The following GABRG3 variants were observed in gnomAD, a reference collection of about 807,000 sequenced individuals.
GABRG3 encodes the protein gamma-aminobutyric acid type A receptor subunit gamma3, also known as gamma-aminobutyric acid receptor subunit gamma-3.
In GABRG3, 25 loss-of-function variants were observed where a neutral mutation model predicts 48.8. The ratio of observed to expected loss-of-function variants is 0.51; its 90% confidence interval spans 0.37 to 0.72. GABRG3 has a LOEUF of 0.72. GABRG3 is among the 30% of genes least tolerant of loss of function. The pLI is 0.00. For missense variants in GABRG3, 394 were observed against 577.9 expected, an observed-to-expected ratio of 0.68 and a Z score of 3.26; for synonymous variants, 227 against 217.6, an observed-to-expected ratio of 1.04 and a Z score of -0.38.
intron 3 of GABRG3, among the ~76,000 whole-genome samples, chr15:27,159,483 A>G (rs1898521021): frequency 6.7e-6 from 1 of 148,652 alleles, no homozygotes; most frequent in Non-Finnish European, 1.5e-5. Context: ...CTCCATCTTA[A>G]AAAAAAAAAA....
chr15:27,107,232 C>T (rs1196295884), intron 3 of GABRG3, among the ~76,000 whole-genome samples: 1 of 151,978 alleles, frequency 6.6e-6, no homozygotes, highest in African/African-American at 2.4e-5. Flanking sequence ...GAATGTTTCC[C>T]TGTATTTCTG....
chr15:27,438,841 A>C (rs1253139488), intron 5 of GABRG3, among the ~76,000 whole-genome samples: 2 of 152,230 alleles, frequency 1.3e-5, no homozygotes, highest in Non-Finnish European at 2.9e-5. Flanking sequence ...TGCTTGGCCC[A>C]GGGCACCATG....
rs36104116 is a variant in GABRG3, at chr15:27,197,469, ATTT to A, written c.271-129326_271-129324del. ...CCCCACTCTATTTCCTTTAACGGCT[ATTT>A]TTTTTTTTTTTTTATCATCAGTACC... On this transcript the variant is annotated intron_variant, in intron 3 of 9. Transcript: ENST00000615808. Among the ~76,000 whole-genome samples, 1,217 of 143,376 alleles carry A rather than the reference ATTT, an allele frequency of 8.5e-3. 17 individuals carry two copies. Among genetic ancestry groups the A allele is most frequent in the African/African-American group, 0.027 (1,050 of 39,068 alleles). The allele number at this position is 143,376 out of a possible 152,430, so 94.1% of individuals were successfully genotyped here.
chr15:27,392,993 A>G (rs144087334), intron 5 of GABRG3, among the ~76,000 whole-genome samples: 234 of 152,116 alleles, frequency 1.5e-3, no homozygotes, highest in African/African-American at 5.5e-3. Context: ...TTTTTCTCCA[A>G]TCCTAGAACT....
chr15:27,500,100 C>T (rs779841660), intron 6 of GABRG3, among the ~76,000 whole-genome samples: 11 of 152,122 alleles, frequency 7.2e-5, no homozygotes, highest in Non-Finnish European at 1.2e-4. Flanking sequence ...GTGGACTTTA[C>T]GTTATCAGCT....
chr15:27,108,281 C>T (rs1897485815), intron 3 of GABRG3, among the ~76,000 whole-genome samples: 1 of 152,136 alleles, frequency 6.6e-6, no homozygotes, highest in East Asian at 1.9e-4. Flanking sequence ...ATTTTAAATT[C>T]CTCCTGAGAC....
At chr15:27,254,447 C>G (rs189329320) in intron 3 of GABRG3, among the ~76,000 whole-genome samples, 43 of 152,124 alleles carry the variant, frequency 2.8e-4, no homozygotes, top group African/African-American at 8.2e-4. Flanking sequence ...TCTGTGGTTG[C>G]TTGTCTTAGT....
intron 2 of GABRG3, among the ~76,000 whole-genome samples, chr15:27,000,444 T>C (rs1182556770): frequency 6.6e-6 from 1 of 152,138 alleles, no homozygotes; most frequent in Non-Finnish European, 1.5e-5. Context: ...TGGTATGCCT[T>C]GGTTCTGTAT....
intron 5 of GABRG3, among the ~76,000 whole-genome samples, chr15:27,427,481 A>T (rs770797118): frequency 8.5e-5 from 13 of 152,198 alleles, no homozygotes; most frequent in Non-Finnish European, 1.8e-4. Flanking sequence ...TTCTGCTGTG[A>T]TGTAGTTTAA....
intron 7 of GABRG3, among the ~76,000 whole-genome samples, chr15:27,527,025 C>A (rs914553427): frequency 2.0e-5 from 3 of 152,032 alleles, no homozygotes; most frequent in African/African-American, 7.3e-5. Flanking sequence ...GCCGGGTCTT[C>A]AAGAATAGTG....
intron 3 of GABRG3, among the ~76,000 whole-genome samples, chr15:27,315,724 TA>T (rs1893190311): frequency 6.6e-6 from 1 of 152,246 alleles, no homozygotes; most frequent in African/African-American, 2.4e-5. Flanking sequence ...ACACCATTTT[TA>T]TAAGATACAT....
At chr15:27,286,794 T>C (rs1292000146) in intron 3 of GABRG3, among the ~76,000 whole-genome samples, 2 of 152,202 alleles carry the variant, frequency 1.3e-5, no homozygotes, top group South Asian at 4.1e-4. Flanking sequence ...ATAATTCTGA[T>C]GAGTGGACCA....
intron 5 of GABRG3, among the ~76,000 whole-genome samples, chr15:27,354,488 G>A (rs113339464): frequency 2.6e-4 from 40 of 152,322 alleles, no homozygotes; most frequent in African/African-American, 9.4e-4. Flanking sequence ...AATCTTAACA[G>A]TCCAAGTCCC....
At chr15:27,339,169 C>T (rs1461880201) in intron 5 of GABRG3, among the ~76,000 whole-genome samples, 5 of 152,206 alleles carry the variant, frequency 3.3e-5, no homozygotes, top group African/African-American at 4.8e-5. Flanking sequence ...ACAGAGGCCC[C>T]GGGTCCTCTC....
chr15:27,229,453 T>TTG (rs377519773), intron 3 of GABRG3, among the ~76,000 whole-genome samples: 281 of 105,146 alleles, frequency 2.7e-3, no homozygotes, highest in East Asian at 4.9e-3. Flanking sequence ...CCTAGGTTTT[T>TTG]TGTGTGTGTG....
At chr15:27,111,557 G>A (rs981507966) in intron 3 of GABRG3, among the ~76,000 whole-genome samples, 1 of 152,140 alleles carries the variant, frequency 6.6e-6, no homozygotes, top group Non-Finnish European at 1.5e-5. Context: ...CTTGTGTGTT[G>A]TATCTGTAAG....
At chr15:26,983,887 C>T (rs1435347063) in intron 2 of GABRG3, among the ~76,000 whole-genome samples, 1 of 152,152 alleles carries the variant, frequency 6.6e-6, no homozygotes, top group Non-Finnish European at 1.5e-5. Flanking sequence ...AATCACGTGC[C>T]GGGTACTTCA....
At chr15:27,414,508 C>T (rs914288522) in intron 5 of GABRG3, among the ~76,000 whole-genome samples, 1 of 152,130 alleles carries the variant, frequency 6.6e-6, no homozygotes, top group African/African-American at 2.4e-5. Flanking sequence ...ATAAAAGCTG[C>T]TTATTTTAAA....
chr15:26,990,035 C>T (rs1340279455), intron 2 of GABRG3, among the ~76,000 whole-genome samples: 2 of 152,158 alleles, frequency 1.3e-5, no homozygotes, highest in African/African-American at 4.8e-5. Flanking sequence ...TTCATGGACA[C>T]TTAGGTTGCT....
Sources: allele counts gnomAD v4.1 joint callset (sites outside exome capture counted in the v4.1 genomes callset), GRCh38; gene constraint gnomAD v4.1.1; transcripts MANE v1.5; gene names NCBI Gene and HGNC (gene_info 2026-07-23, HGNC 2026-07-21).